DNAAF4: variants seen among roughly 807,000 people sequenced by gnomAD.
DNAAF4 encodes the protein dynein axonemal assembly factor 4.
A neutral mutation model predicts 51.8 loss-of-function variants in DNAAF4; 43 were observed. The ratio of observed to expected loss-of-function variants is 0.83; its 90% CI spans 0.65 to 1.07. DNAAF4 has a LOEUF of 1.07. DNAAF4 is among the 50% of genes least tolerant of loss of function. The pLI, the probability that DNAAF4 is intolerant of heterozygous loss-of-function variation, is 0.00. For synonymous variants in DNAAF4, 194 were observed against 165.6 expected (o/e 1.17, Z -1.32); for missense variants, 581 against 493.0 (o/e 1.18, Z -1.69).
chr15:55,486,950 C>G (rs1468206204), intron 4 of DNAAF4, among the ~76,000 whole-genome samples: 2 of 152,140 alleles, frequency 1.3e-5, no homozygotes, highest in Non-Finnish European at 2.9e-5. Flanking sequence ...TTAACAAAAA[C>G]TCTGCCTCCT....
intron 6 of DNAAF4, among the ~76,000 whole-genome samples, chr15:55,445,135 C>G (rs1001074480): frequency 6.8e-6 from 1 of 147,352 alleles, no homozygotes; most frequent in South Asian, 2.1e-4. Context: ...AGAAGGACAG[C>G]AGATAAACAC....
At chr15:55,436,700 A>G (rs1185793664) in intron 7 of DNAAF4, among the ~76,000 whole-genome samples, 1 of 151,916 alleles carries the variant, frequency 6.6e-6, no homozygotes, top group African/African-American at 2.4e-5. Context: ...TTACATTTTT[A>G]GTAGAAATTG....
rs191531161 is a variant in DNAAF4, at chr15:55,482,442, C to T, written c.405+8681G>A. 4.2e-3 allele frequency among the ~76,000 whole-genome samples: 634 copies of T among 152,084 alleles called. 7 individuals carry two copies. Among genetic ancestry groups the T allele is most frequent in the African/African-American group, 0.014 (587 of 41,478 alleles). ...ATGCAATCTCAGCACTTTGGGAGGC[C>T]GAGGTGGGTGGATCACCTGAGGTCA... On this transcript the variant is annotated intron_variant, in intron 4 of 9. Coordinates refer to ENST00000321149, the MANE Select transcript of DNAAF4 (RefSeq NM_130810.4).
intron 6 of DNAAF4, among the ~76,000 whole-genome samples, chr15:55,448,823 C>T (rs12593672): frequency 0.72 from 108,143 of 150,578 alleles, 39,332 homozygotes; most frequent in East Asian, 0.93. Flanking sequence ...TGAGCGGAGA[C>T]TGCGCCACTG....
chr15:55,498,936 G>C (rs1047779233), intron 1 of DNAAF4, among the ~76,000 whole-genome samples: 6 of 144,798 alleles, frequency 4.1e-5, no homozygotes, highest in African/African-American at 1.6e-4. Flanking sequence ...AAAAGAAAAA[G>C]AAAGAAAGAA....
chr15:55,457,381 C>A (rs2058035485), intron 5 of DNAAF4, among the ~76,000 whole-genome samples: 1 of 152,106 alleles, frequency 6.6e-6, no homozygotes, highest in Non-Finnish European at 1.5e-5. Context: ...CCTCCACCCC[C>A]ACTGTGGCCA....
At chr15:55,459,908 T>C (rs1404524586) in intron 5 of DNAAF4, among the ~76,000 whole-genome samples, 5 of 152,042 alleles carry the variant, frequency 3.3e-5, no homozygotes, top group Non-Finnish European at 7.4e-5. Flanking sequence ...TTCACCATGT[T>C]GGCCTGGCTG....
At position 55,430,773 on chromosome 15, in the gene DNAAF4, T is replaced by G; in HGVS notation, c.1160A>C (p.Gln387Pro). The change falls in exon 10 of 10, where the codon CAG (glutamine) becomes CCG (proline). Residue 387 changes from glutamine to proline, a missense_variant. Physicochemically the swap from Gln to Pro is moderately conservative, Grantham distance 76 (BLOSUM62 -1). Coordinates refer to ENST00000321149, the MANE Select transcript of DNAAF4 (RefSeq NM_130810.4). ...AATCTTAAGTGCCGCTTCATAATCC[T>G]GTAGGCCTGTGTTTATATAGCAATG... ...CQLELYVEGL[Q>P]DYEAALKIDP... is the part of the protein sequence containing the mutation. The G allele has an allele frequency of 6.2e-7, 1 of 1,610,306 alleles. No homozygotes were observed. The highest frequency in any genetic ancestry group is 8.5e-7 in the Non-Finnish European group (1 of 1,177,280).
At chr15:55,480,818 T>C (rs1313042097) in intron 4 of DNAAF4, among the ~76,000 whole-genome samples, 1 of 152,182 alleles carries the variant, frequency 6.6e-6, no homozygotes, top group East Asian at 1.9e-4. Flanking sequence ...GCAGTCACTT[T>C]ACAAAACAGA....
At chr15:55,442,975 T>C (rs758217546) in intron 6 of DNAAF4, 1 of 1,611,250 alleles carries the variant, frequency 6.2e-7, no homozygotes, top group Non-Finnish European at 8.5e-7. Context: ...AACGTCATTG[T>C]AGAACATCAC....
At chr15:55,482,660 C>A (rs545065505) in intron 4 of DNAAF4, among the ~76,000 whole-genome samples, 1 of 152,242 alleles carries the variant, frequency 6.6e-6, no homozygotes, top group East Asian at 1.9e-4. Context: ...GCCTGGGCAA[C>A]AGAGCAAGAT....
At chr15:55,434,173 T>C (rs951293751) in intron 8 of DNAAF4, among the ~76,000 whole-genome samples, 1 of 147,714 alleles carries the variant, frequency 6.8e-6, no homozygotes, top group Non-Finnish European at 1.5e-5. Flanking sequence ...TCATTTCACA[T>C]CTCCACAGCT....
At position 55,498,431 on chromosome 15, in the gene DNAAF4, C is replaced by G; in HGVS notation, c.-102G>C. 6.7e-7 allele frequency: 1 copy of G among 1,490,216 alleles called. No homozygotes were observed. Among genetic ancestry groups the G allele is most frequent in the Admixed American group, 2.4e-5 (1 of 40,934 alleles). 92.3% of individuals were successfully genotyped at this position (1,490,216 alleles called of 1,614,324 possible). On this transcript the variant is annotated 5_prime_UTR_variant, in exon 2 of 10. Transcript: ENST00000321149. ...CATGCGCCAGCCCTTCCGGGTCAGGCCGGCCGGGAGCCCGGCGTTCCCAGC... is the reference window on the plus strand; with the variant it reads ...CATGCGCCAGCCCTTCCGGGTCAGGGCGGCCGGGAGCCCGGCGTTCCCAGC...
intron 4 of DNAAF4, among the ~76,000 whole-genome samples, chr15:55,475,204 T>C (rs371602391): frequency 6.6e-6 from 1 of 152,110 alleles, no homozygotes; most frequent in Non-Finnish European, 1.5e-5. Flanking sequence ...TAAGTAAATA[T>C]AAAATTCATC....
At chr15:55,496,185 C>T (rs576042394) in intron 3 of DNAAF4, among the ~76,000 whole-genome samples, 2 of 152,074 alleles carry the variant, frequency 1.3e-5, no homozygotes, top group South Asian at 2.1e-4. Flanking sequence ...GAGCCGAGAT[C>T]GCATCACTGC....
chr15:55,473,313 ATATATG>A (rs2058290980), intron 4 of DNAAF4, among the ~76,000 whole-genome samples: 1 of 142,304 alleles, frequency 7.0e-6, no homozygotes, highest in African/African-American at 2.6e-5. Context: ...ATATGTGTGT[ATATATG>A]TGTGTATATA....
chr15:55,461,295 TGGTTAGAGACCAGAATGGTCTCG>T (rs2058091472), intron 5 of DNAAF4, among the ~76,000 whole-genome samples: 1 of 151,698 alleles, frequency 6.6e-6, no homozygotes. Flanking sequence ...TTCTGGTCTC[TGGTTAGAGACCAGAATGGTCTCG>T]ATCTCCTGAC....
chr15:55,440,901 T>G (rs905634888), intron 6 of DNAAF4, among the ~76,000 whole-genome samples: 6 of 151,646 alleles, frequency 4.0e-5, no homozygotes, highest in Non-Finnish European at 7.4e-5. Context: ...CAGGCTGGTC[T>G]CAAACTCCTG....
At chr15:55,447,534 G>C (rs1338053625) in intron 6 of DNAAF4, among the ~76,000 whole-genome samples, 3 of 151,668 alleles carry the variant, frequency 2.0e-5, no homozygotes, top group African/African-American at 7.3e-5. Flanking sequence ...AGCACCTCGG[G>C]AGGCCGAGGC....
Sources: gnomAD v4.1 joint callset for allele counts (sites outside exome capture counted in the v4.1 genomes callset) on GRCh38, gnomAD v4.1.1 for gene constraint, MANE v1.5 for transcripts, NCBI Gene and HGNC (gene_info 2026-07-23, HGNC 2026-07-21) for gene names.